The following EAF2 variants were observed in gnomAD, a reference collection of about 807,000 sequenced individuals.
EAF2 encodes the protein ELL-associated factor 2.
EAF2 carries 29 observed loss-of-function variants against 29.4 expected under a neutral mutation model. That is an observed-to-expected ratio of 0.99 (90% CI 0.73 to 1.35). The LOEUF (loss-of-function observed/expected upper bound fraction) is 1.35. Among genes scored for constraint, EAF2 ranks in the 40% most tolerant of loss-of-function variants. The pLI, the probability that EAF2 is intolerant of heterozygous loss-of-function variation, is 0.00. For missense variants in EAF2, 292 were observed against 312.0 expected, an observed-to-expected ratio of 0.94 and a Z score of 0.48; for synonymous variants, 103 against 102.5, an observed-to-expected ratio of 1.00 and a Z score of -0.03.
Position 121,857,270 on chromosome 3 carries a change from G to A in EAF2, c.484+114G>A, listed in dbSNP as rs1244113862. 3 of 828,714 alleles carry A rather than the reference G, an allele frequency of 3.6e-6. No individual in the cohort carries two copies. The African/African-American group carries it at 5.3e-5, about 15-fold the overall frequency. The allele number at this position is 828,714 out of a possible 1,614,324, so 51.3% of individuals were successfully genotyped here. ...GCACTTTAGGAGGCCGAGGCAGGCG[G>A]ATCATGAGGTCAGTAGTTCAACACC... On this transcript the variant is annotated intron_variant, in intron 4 of 5. Coordinates refer to ENST00000273668, the MANE Select transcript of EAF2 (RefSeq NM_018456.6).
At chr3:121,884,420 C>CTTAT (rs1403234239) in intron 5 of EAF2, among the ~76,000 whole-genome samples, 7 of 147,772 alleles carry the variant, frequency 4.7e-5, no homozygotes, top group South Asian at 2.2e-4. Flanking sequence ...AGCAGATTTT[C>CTTAT]TTATTTATTT....
chr3:121,848,763 C>T (rs909382841), intron 2 of EAF2, among the ~76,000 whole-genome samples: 3 of 152,128 alleles, frequency 2.0e-5, no homozygotes, highest in African/African-American at 7.2e-5. Flanking sequence ...TCTAGAAGAA[C>T]ATGTCAAACT....
intron 2 of EAF2, among the ~76,000 whole-genome samples, chr3:121,844,835 A>G (rs998876873): frequency 5.3e-5 from 8 of 152,208 alleles, no homozygotes; most frequent in Admixed American, 2.0e-4. Context: ...TGACCTTAGG[A>G]TAGTAACATA....
chr3:121,870,276 T>A (rs1708989229), intron 4 of EAF2, among the ~76,000 whole-genome samples: 1 of 152,148 alleles, frequency 6.6e-6, no homozygotes. Flanking sequence ...TCAAAAATTA[T>A]CAATGAAATA....
At chr3:121,877,833 A>G (rs1029645656) in intron 5 of EAF2, among the ~76,000 whole-genome samples, 7 of 152,076 alleles carry the variant, frequency 4.6e-5, no homozygotes, top group Non-Finnish European at 1.0e-4. Context: ...TGTAGTGGTC[A>G]TTCACAGGTG....
At chr3:121,884,133 T>G (rs1559832589) in intron 5 of EAF2, among the ~76,000 whole-genome samples, 1 of 151,462 alleles carries the variant, frequency 6.6e-6, no homozygotes, top group Non-Finnish European at 1.5e-5. Context: ...AGATCAGGAG[T>G]TCGAGACCAG....
intron 5 of EAF2, among the ~76,000 whole-genome samples, chr3:121,878,940 A>G (rs376850661): frequency 6.6e-6 from 1 of 152,104 alleles, no homozygotes; most frequent in Admixed American, 6.6e-5. Flanking sequence ...GTAGATCTAT[A>G]TAGTTTTTTG....
chr3:121,838,564 A>G (rs1003288515), intron 1 of EAF2, among the ~76,000 whole-genome samples: 2 of 152,212 alleles, frequency 1.3e-5, no homozygotes, highest in Non-Finnish European at 2.9e-5. Flanking sequence ...AAATGTAAAT[A>G]GATTCAGAAT....
At chr3:121,858,253 C>T (rs1418899297) in intron 4 of EAF2, among the ~76,000 whole-genome samples, 1 of 152,276 alleles carries the variant, frequency 6.6e-6, no homozygotes, top group Admixed American at 6.5e-5. Context: ...ACACAGTCTT[C>T]CGCAATGGTT....
At chr3:121,872,418 G>C in intron 4 of EAF2, 119 bp from the exon 5 acceptor site, 1 of 776,042 alleles carries the variant, frequency 1.3e-6, no homozygotes, top group Non-Finnish European at 2.0e-6. Flanking sequence ...TTCAAGTACT[G>C]TAAATGTATG....
chr3:121,872,652 A>T lies in EAF2; in HGVS notation c.600A>T (p.Glu200Asp), dbSNP rs750485158. The T allele has an allele frequency of 6.2e-7, 1 of 1,613,008 alleles. No individual in the cohort carries two copies. The highest frequency in any genetic ancestry group is 1.7e-5 in the Admixed American group (1 of 59,958). ...SEDSSSDSED[E>D]DCKSSTSDTG... is the part of the protein sequence containing the mutation. The stretch of plus-strand genomic sequence containing the variant: ...ATAGTTCTAGTGACTCAGAAGATGA[A>T]GATTGCAAATCCTCTACTTCTGATA... Residue 200 changes from glutamate to aspartate, a missense_variant, in exon 5 of 6, where the codon GAA becomes GAT. Physicochemically the swap from Glu to Asp is conservative, Grantham distance 45. Coordinates refer to ENST00000273668, the MANE Select transcript of EAF2 (RefSeq NM_018456.6).
intron 2 of EAF2, among the ~76,000 whole-genome samples, chr3:121,849,735 G>A (rs144243123): frequency 1.8e-4 from 27 of 152,094 alleles, no homozygotes; most frequent in African/African-American, 6.0e-4. Context: ...TTTCTCCAAT[G>A]GGTTTACTTA....
At chr3:121,858,588 A>G (rs1708767022) in intron 4 of EAF2, among the ~76,000 whole-genome samples, 1 of 152,168 alleles carries the variant, frequency 6.6e-6, no homozygotes, top group East Asian at 1.9e-4. Context: ...AAAATGGGTA[A>G]ATTGCAAAAA....
chr3:121,857,993 G>A (rs867046275), intron 4 of EAF2, among the ~76,000 whole-genome samples: 2 of 152,128 alleles, frequency 1.3e-5, no homozygotes, highest in Non-Finnish European at 2.9e-5. Flanking sequence ...TACAAAGGAC[G>A]TGAACACATC....
chr3:121,852,623 T>A (rs772573781), intron 2 of EAF2, among the ~76,000 whole-genome samples: 1 of 152,202 alleles, frequency 6.6e-6, no homozygotes, highest in Non-Finnish European at 1.5e-5. Flanking sequence ...AACCTACCCA[T>A]CTTTTATGGC....
At chr3:121,864,368 G>A (rs568037560) in intron 4 of EAF2, among the ~76,000 whole-genome samples, 5 of 152,238 alleles carry the variant, frequency 3.3e-5, no homozygotes, top group South Asian at 2.1e-4. Flanking sequence ...AACCCTTGGC[G>A]ATACAACGGG....
chr3:121,857,260 G>A (rs1018157194), intron 4 of EAF2, 104 bp downstream of exon 4: 31 of 937,844 alleles, frequency 3.3e-5, no homozygotes, highest in African/African-American at 1.0e-4. Flanking sequence ...TTAGGAGGCC[G>A]AGGCAGGCGG....
In EAF2 at chr3:121,858,787, G is replaced by A. The variant is rs543889702; in HGVS notation, c.484+1631G>A. Among the ~76,000 whole-genome samples the A allele has an allele frequency of 2.8e-4, 42 of 152,236 alleles. 1 individual carries two copies. Among genetic ancestry groups the A allele is most frequent in the Non-Finnish European group, 4.4e-4 (30 of 68,004 alleles). ...GGTATTGCCTAGGTTTTCTTCTAGCGTTTTTATGGTTTTAGGTCTAACATT... is the reference window on the plus strand; with the variant it reads ...GGTATTGCCTAGGTTTTCTTCTAGCATTTTTATGGTTTTAGGTCTAACATT... On this transcript the variant is annotated intron_variant, in intron 4 of 5. Coordinates refer to ENST00000273668, the MANE Select transcript of EAF2 (RefSeq NM_018456.6).
chr3:121,865,869 T>C (rs1190371435), intron 4 of EAF2, among the ~76,000 whole-genome samples: 1 of 152,078 alleles, frequency 6.6e-6, no homozygotes, highest in Non-Finnish European at 1.5e-5. Flanking sequence ...TCCCTGCAAG[T>C]AGAATTCTAC....
Sources: gnomAD v4.1 joint callset for allele counts (sites outside exome capture counted in the v4.1 genomes callset) on GRCh38, gnomAD v4.1.1 for gene constraint, MANE v1.5 for transcripts, NCBI Gene and HGNC (gene_info 2026-07-23, HGNC 2026-07-21) for gene names.